Variants in SUGCT observed in about 807,000 individuals in gnomAD.
The protein encoded by SUGCT is succinyl-CoA:glutarate-CoA transferase.
In SUGCT, 41 loss-of-function variants were observed where a neutral mutation model predicts 55.0. The observed-to-expected ratio is 0.74, with a 90% CI of 0.58 to 0.97. The LOEUF (loss-of-function observed/expected upper bound fraction) is 0.97. Among genes scored for constraint, SUGCT ranks in the 50% least tolerant of loss-of-function variants. SUGCT has a pLI of 0.00. For missense variants in SUGCT, 568 were observed against 547.8 expected, an observed-to-expected ratio of 1.04 and a Z score of -0.37; for synonymous variants, 187 against 200.4, an observed-to-expected ratio of 0.93 and a Z score of 0.56.
intron 12 of SUGCT, among the ~76,000 whole-genome samples, chr7:40,536,480 G>A (rs187159805): frequency 2.0e-5 from 3 of 152,312 alleles, no homozygotes; most frequent in African/African-American, 7.2e-5. Flanking sequence ...AGAAAAGATG[G>A]CAAGGTAATT....
At chr7:40,978,546 G>A in the SUGCT span, among the ~76,000 whole-genome samples, 7 of 152,118 alleles carry the variant, frequency 4.6e-5, no homozygotes, top group Admixed American at 1.3e-4. Context: ...ACGTGTGAGT[G>A]GGCATAGTAA....
intron 13 of SUGCT, among the ~76,000 whole-genome samples, chr7:40,822,948 G>C (rs555396203): frequency 2.0e-5 from 3 of 152,084 alleles, no homozygotes; most frequent in Non-Finnish European, 4.4e-5. Flanking sequence ...TATTCCGAAG[G>C]GATAGGTTAT....
chr7:40,634,507 A>C (rs927880199), intron 12 of SUGCT, among the ~76,000 whole-genome samples: 6 of 152,198 alleles, frequency 3.9e-5, no homozygotes, highest in Admixed American at 2.0e-4. Flanking sequence ...GACTTCTACT[A>C]TAAGACCTGG....
chr7:40,542,970 G>C (rs564800838), intron 12 of SUGCT, among the ~76,000 whole-genome samples: 15 of 152,296 alleles, frequency 9.8e-5, no homozygotes, highest in African/African-American at 3.6e-4. Context: ...TGCTTCATCG[G>C]CTAGGTGAAC....
At chr7:40,753,437 A>T (rs957216619) in intron 13 of SUGCT, among the ~76,000 whole-genome samples, 4 of 152,224 alleles carry the variant, frequency 2.6e-5, no homozygotes, top group Admixed American at 6.5e-5. Flanking sequence ...ACATAGTTCT[A>T]TAGATTTACA....
chr7:40,623,500 A>G (rs1316328551), intron 12 of SUGCT, among the ~76,000 whole-genome samples: 1 of 152,158 alleles, frequency 6.6e-6, no homozygotes, highest in African/African-American at 2.4e-5. Context: ...GAGCCTCCAC[A>G]AATCATTTTA....
chr7:41,022,158 T>C, the SUGCT span, among the ~76,000 whole-genome samples: 8 of 152,160 alleles, frequency 5.3e-5, no homozygotes, highest in African/African-American at 2.4e-5. Flanking sequence ...ATACCTTGTA[T>C]GTGAACAATG....
At chr7:40,216,109 CTT>C (rs74272038) in intron 6 of SUGCT, among the ~76,000 whole-genome samples, 29 of 128,068 alleles carry the variant, frequency 2.3e-4, no homozygotes, top group Admixed American at 2.4e-4. Context: ...CAGAGAAAGG[CTT>C]TTTTTTTTTT....
At chr7:40,555,298 T>C (rs540057759) in intron 12 of SUGCT, among the ~76,000 whole-genome samples, 1 of 140,086 alleles carries the variant, frequency 7.1e-6, no homozygotes, top group Admixed American at 6.7e-5. Context: ...CCTTCCTCTT[T>C]GTCTTTTTTT....
the SUGCT span, among the ~76,000 whole-genome samples, chr7:40,951,584 G>C: frequency 1.8e-3 from 276 of 151,536 alleles, 3 homozygotes; most frequent in Non-Finnish European, 6.3e-4. Flanking sequence ...TTCTCTTGTG[G>C]GCATTTAGTG....
the SUGCT span, among the ~76,000 whole-genome samples, chr7:40,993,032 T>C: frequency 6.6e-6 from 1 of 152,118 alleles, no homozygotes; most frequent in Non-Finnish European, 1.5e-5. Flanking sequence ...TTCTCAACCT[T>C]GGATATGTGC....
chr7:40,394,226 A>G (rs1412382651), intron 9 of SUGCT, among the ~76,000 whole-genome samples: 1 of 152,140 alleles, frequency 6.6e-6, no homozygotes, highest in East Asian at 1.9e-4. Context: ...TGCATCATCA[A>G]TATTTTTAAA....
At chr7:40,858,719 C>G (rs1463478723) in intron 13 of SUGCT, among the ~76,000 whole-genome samples, 1 of 152,176 alleles carries the variant, frequency 6.6e-6, no homozygotes, top group Non-Finnish European at 1.5e-5. Context: ...GTTGATTTCT[C>G]TCTTACTGAA....
intron 12 of SUGCT, among the ~76,000 whole-genome samples, chr7:40,523,585 G>A (rs1413954793): frequency 6.6e-6 from 1 of 151,992 alleles, no homozygotes; most frequent in East Asian, 1.9e-4. Flanking sequence ...GTCTCACCGG[G>A]CTAAAATCAT....
At chr7:40,212,491 A>C (rs1787396425) in intron 6 of SUGCT, among the ~76,000 whole-genome samples, 1 of 152,060 alleles carries the variant, frequency 6.6e-6, no homozygotes, top group Admixed American at 6.6e-5. Context: ...AAAAATGATA[A>C]AACTATAAGG....
chr7:40,886,832 A>G, the SUGCT span, among the ~76,000 whole-genome samples: 343 of 152,322 alleles, frequency 2.3e-3, 2 homozygotes, highest in African/African-American at 7.6e-3. Flanking sequence ...GACAGGTCCG[A>G]ACTATTGGAA....
intron 12 of SUGCT, among the ~76,000 whole-genome samples, chr7:40,701,942 G>T (rs951407699): frequency 6.6e-6 from 1 of 152,228 alleles, no homozygotes; most frequent in Non-Finnish European, 1.5e-5. Context: ...CCATGGTTCT[G>T]TCCCTTTGCT....
intron 12 of SUGCT, among the ~76,000 whole-genome samples, chr7:40,574,056 G>T (rs945855002): frequency 1.3e-5 from 2 of 152,112 alleles, no homozygotes; most frequent in Non-Finnish European, 2.9e-5. Flanking sequence ...TATGCTCACT[G>T]TTCCCTGCCC....
chr7:40,369,484 A>G (rs139545756), intron 9 of SUGCT, among the ~76,000 whole-genome samples: 10 of 152,196 alleles, frequency 6.6e-5, no homozygotes, highest in Admixed American at 2.0e-4. Context: ...CAGGAGCTTG[A>G]TGTATAACGC....
Sources: gnomAD v4.1 joint callset for allele counts (sites outside exome capture counted in the v4.1 genomes callset) on GRCh38, gnomAD v4.1.1 for gene constraint, MANE v1.5 for transcripts, NCBI Gene and HGNC (gene_info 2026-07-23, HGNC 2026-07-21) for gene names.